UNC5D: variants seen among roughly 807,000 people sequenced by gnomAD.
The protein encoded by UNC5D is unc-5 netrin receptor D, also known as netrin receptor UNC5D.
In UNC5D, 39 loss-of-function variants were observed where a neutral mutation model predicts 105.4. That is an observed-to-expected ratio of 0.37 (90% CI 0.29 to 0.48). The LOEUF is 0.48. Among genes scored for constraint, UNC5D ranks in the 20% least tolerant of loss-of-function variants. The pLI is 0.98. For synonymous variants in UNC5D, 452 were observed against 450.4 expected, an observed-to-expected ratio of 1.00 and a Z score of -0.04; for missense variants, 991 against 1,202.4, an observed-to-expected ratio of 0.82 and a Z score of 2.60.
At chr8:35,545,423 G>C (rs533325599) in intron 1 of UNC5D, among the ~76,000 whole-genome samples, 2 of 146,888 alleles carry the variant, frequency 1.4e-5, no homozygotes, top group Non-Finnish European at 3.0e-5. Flanking sequence ...GGTTGGAGAG[G>C]GGGAGAGAGG....
At chr8:35,271,373 G>A (rs1805305668) in intron 1 of UNC5D, among the ~76,000 whole-genome samples, 1 of 129,778 alleles carries the variant, frequency 7.7e-6, no homozygotes. Context: ...GTGCACGTGT[G>A]TATGTATATG....
intron 13 of UNC5D, among the ~76,000 whole-genome samples, chr8:35,752,851 AG>A (rs1427105915): frequency 6.6e-6 from 1 of 152,200 alleles, no homozygotes; most frequent in Non-Finnish European, 1.5e-5. Flanking sequence ...GTAACCATGG[AG>A]CATCATGGAA....
intron 1 of UNC5D, among the ~76,000 whole-genome samples, chr8:35,514,823 T>G: frequency 6.6e-6 from 1 of 152,376 alleles, no homozygotes; most frequent in Middle Eastern, 3.4e-3. Context: ...ACATTCATTT[T>G]TGGAGTTTTC....
intron 1 of UNC5D, among the ~76,000 whole-genome samples, chr8:35,476,386 A>G (rs753292352): frequency 2.6e-5 from 4 of 152,226 alleles, no homozygotes; most frequent in Admixed American, 6.5e-5. Context: ...ATAAAGATGT[A>G]TGAAAATTCT....
rs73571854 is a variant in UNC5D, at chr8:35,458,602, A to T, written c.104-90690A>T. ...AAAATAATGAGACACTTCTAGCTGG[A>T]TGAAAAGAGGTGTGCCGAGAGCACA... is the stretch of plus-strand genomic sequence containing the variant. On this transcript the variant is annotated intron_variant, in intron 1 of 16. Transcript: ENST00000404895. Among the ~76,000 whole-genome samples, 417 of 152,320 alleles carry T rather than the reference A, an allele frequency of 2.7e-3. 6 individuals carry two copies. The highest frequency in any genetic ancestry group is 9.3e-3 in the African/African-American group (386 of 41,578).
intron 11 of UNC5D, 133 bp from the exon 12 acceptor site, chr8:35,748,394 C>T (rs926186661): frequency 6.4e-6 from 6 of 937,294 alleles, no homozygotes; most frequent in Non-Finnish European, 9.2e-6. Flanking sequence ...CAGACCAGTC[C>T]TTTGTAAAAG....
intron 1 of UNC5D, among the ~76,000 whole-genome samples, chr8:35,398,427 G>C (rs1804235082): frequency 6.6e-6 from 1 of 151,772 alleles, no homozygotes; most frequent in Non-Finnish European, 1.5e-5. Context: ...GAAGTTTCAG[G>C]AGCTCATGGG....
intron 1 of UNC5D, among the ~76,000 whole-genome samples, chr8:35,495,136 G>A (rs1292791390): frequency 6.6e-6 from 1 of 152,090 alleles, no homozygotes; most frequent in Non-Finnish European, 1.5e-5. Context: ...GCCAAGCAAT[G>A]GTTGGAAGTG....
intron 4 of UNC5D, among the ~76,000 whole-genome samples, chr8:35,609,636 A>G (rs1820546316): frequency 6.6e-6 from 1 of 152,182 alleles, no homozygotes; most frequent in South Asian, 2.1e-4. Context: ...ACTATAGGTA[A>G]TGACTCTCCA....
intron 15 of UNC5D, among the ~76,000 whole-genome samples, chr8:35,769,420 G>A (rs1414742396): frequency 6.6e-6 from 1 of 152,190 alleles, no homozygotes; most frequent in Non-Finnish European, 1.5e-5. Context: ...AAACATCACA[G>A]CACCAGAAAT....
intron 1 of UNC5D, among the ~76,000 whole-genome samples, chr8:35,299,259 C>T (rs1245120667): frequency 6.6e-6 from 1 of 152,176 alleles, no homozygotes; most frequent in African/African-American, 2.4e-5. Context: ...TGTGACCAAA[C>T]TGGCAACGTT....
intron 7 of UNC5D, 82 bp downstream of exon 7, chr8:35,686,791 T>C (rs1826037564): frequency 6.7e-7 from 1 of 1,485,438 alleles, no homozygotes. Context: ...CAGCCATTAA[T>C]GTGGTTAAAT....
intron 1 of UNC5D, among the ~76,000 whole-genome samples, chr8:35,249,015 TA>T (rs1246582772): frequency 2.6e-4 from 16 of 61,786 alleles, no homozygotes; most frequent in Non-Finnish European, 4.2e-4. Flanking sequence ...ATATAATATA[TA>T]TTATATATGT....
chr8:35,236,240 A>T (rs2128796293), intron 1 of UNC5D, among the ~76,000 whole-genome samples: 1 of 152,100 alleles, frequency 6.6e-6, no homozygotes, highest in Middle Eastern at 3.4e-3. Flanking sequence ...TCTCAAGCCG[A>T]GCTTGGTCAT....
chr8:35,368,356 C>T (rs1802248789), intron 1 of UNC5D, among the ~76,000 whole-genome samples: 1 of 152,058 alleles, frequency 6.6e-6, no homozygotes, highest in African/African-American at 2.4e-5. Flanking sequence ...TGCACACCCA[C>T]CCACCCACAC....
chr8:35,743,413 G>A (rs1341877177), intron 11 of UNC5D, among the ~76,000 whole-genome samples: 4 of 151,746 alleles, frequency 2.6e-5, no homozygotes, highest in Non-Finnish European at 5.9e-5. Flanking sequence ...GGGACTACAG[G>A]CATGCACCAC....
intron 1 of UNC5D, among the ~76,000 whole-genome samples, chr8:35,276,434 G>A (rs999663459): frequency 3.9e-5 from 6 of 152,230 alleles, no homozygotes; most frequent in South Asian, 4.2e-4. Flanking sequence ...CCATGTGATC[G>A]GTGCCAGCAC....
intron 1 of UNC5D, among the ~76,000 whole-genome samples, chr8:35,468,829 G>A (rs994583981): frequency 1.3e-5 from 2 of 152,198 alleles, no homozygotes; most frequent in African/African-American, 2.4e-5. Context: ...ACGGGACAAT[G>A]CTGATGACTT....
chr8:35,561,342 AT>A (rs910258059), intron 2 of UNC5D, among the ~76,000 whole-genome samples: 1 of 152,060 alleles, frequency 6.6e-6, no homozygotes, highest in Non-Finnish European at 1.5e-5. Context: ...GCAAACCACA[AT>A]GGAAAGGCCC....
Sources: allele counts gnomAD v4.1 joint callset (sites outside exome capture counted in the v4.1 genomes callset), GRCh38; gene constraint gnomAD v4.1.1; transcripts MANE v1.5; gene names NCBI Gene and HGNC (gene_info 2026-07-23, HGNC 2026-07-21).